The following CNTN5 variants were observed in gnomAD, a reference collection of about 807,000 sequenced individuals.
CNTN5 encodes contactin 5.
A neutral mutation model predicts 129.1 loss-of-function variants in CNTN5; 77 were observed. That is an observed-to-expected ratio of 0.60 (90% CI 0.50 to 0.72). The LOEUF (loss-of-function observed/expected upper bound fraction) is 0.72. Among genes scored for constraint, CNTN5 ranks in the 30% least tolerant of loss-of-function variants. The probability of loss-of-function intolerance (pLI) is 0.00; values close to 1 mark genes in which losing one functional copy is unlikely to be tolerated. For synonymous variants in CNTN5, 509 were observed against 465.6 expected (o/e 1.09, Z -1.20); for missense variants, 1,478 against 1,328.8 (o/e 1.11, Z -1.75).
At chr11:99,795,749 A>G (rs559161488) in intron 3 of CNTN5, among the ~76,000 whole-genome samples, 1 of 151,938 alleles carries the variant, frequency 6.6e-6, no homozygotes. Context: ...GGTAGATTTT[A>G]TGGGGTCTCA....
At chr11:99,508,586 A>C (rs1380226243) in intron 2 of CNTN5, among the ~76,000 whole-genome samples, 2 of 152,232 alleles carry the variant, frequency 1.3e-5, no homozygotes, top group Non-Finnish European at 2.9e-5. Flanking sequence ...GCAAACTGCA[A>C]TTAGCTGTAT....
rs865831633 is a variant in CNTN5, at chr11:99,193,861, C to T, written c.-209-131485C>T. On this transcript the variant is annotated intron_variant, in intron 1 of 24. Coordinates refer to ENST00000524871, the MANE Select transcript of CNTN5 (RefSeq NM_014361.4). ...CTCATCATTCAAAAATTTTTGTAAT[C>T]AGACACCTTGAGGAAAAGTCAGAAG... 5.3e-5 allele frequency among the ~76,000 whole-genome samples: 8 copies of T among 152,262 alleles called. No homozygotes were observed. The South Asian group carries it at 1.7e-3, about 32-fold the overall frequency.
intron 13 of CNTN5, among the ~76,000 whole-genome samples, chr11:100,124,867 C>G (rs1371226847): frequency 6.6e-6 from 1 of 152,086 alleles, no homozygotes; most frequent in Non-Finnish European, 1.5e-5. Context: ...AGGTTCTTCA[C>G]ATGTAAATAA....
chr11:99,510,216 G>A (rs939002987), intron 2 of CNTN5, among the ~76,000 whole-genome samples: 2 of 151,972 alleles, frequency 1.3e-5, no homozygotes, highest in African/African-American at 2.4e-5. Context: ...ATATAAATCA[G>A]AGCCAACCAT....
chr11:99,836,146 CTTTTT>C (rs1043406039), intron 4 of CNTN5, among the ~76,000 whole-genome samples: 1 of 137,942 alleles, frequency 7.2e-6, no homozygotes. Flanking sequence ...TTTAATTTTT[CTTTTT>C]TTTTAATTAT....
At chr11:99,050,780 T>C (rs1864395589) in intron 1 of CNTN5, among the ~76,000 whole-genome samples, 1 of 151,862 alleles carries the variant, frequency 6.6e-6, no homozygotes, top group Admixed American at 6.6e-5. Context: ...AAACACATAA[T>C]TGAAAAATTG....
intron 2 of CNTN5, among the ~76,000 whole-genome samples, chr11:99,506,883 C>A (rs1485663740): frequency 1.3e-5 from 2 of 151,902 alleles, no homozygotes; most frequent in Non-Finnish European, 2.9e-5. Flanking sequence ...TTAATGAGAA[C>A]AACCTGAGGG....
chr11:99,110,908 C>T (rs1857760474), intron 1 of CNTN5, among the ~76,000 whole-genome samples: 1 of 151,972 alleles, frequency 6.6e-6, no homozygotes, highest in Non-Finnish European at 1.5e-5. Context: ...ATATATAAAA[C>T]TTTGTTTTTA....
At chr11:99,276,281 G>T (rs1863424395) in intron 1 of CNTN5, among the ~76,000 whole-genome samples, 1 of 151,532 alleles carries the variant, frequency 6.6e-6, no homozygotes, top group Non-Finnish European at 1.5e-5. Flanking sequence ...AACATGCCCA[G>T]ATTTTTAAAT....
chr11:99,695,409 G>T (rs1241426776), intron 3 of CNTN5, among the ~76,000 whole-genome samples: 1 of 152,100 alleles, frequency 6.6e-6, no homozygotes, highest in African/African-American at 2.4e-5. Context: ...AGACACCAGG[G>T]TGTTGCCTGC....
intron 12 of CNTN5, among the ~76,000 whole-genome samples, chr11:100,073,345 C>G (rs976969985): frequency 4.6e-5 from 7 of 152,062 alleles, no homozygotes; most frequent in African/African-American, 1.7e-4. Flanking sequence ...CCAGGCCTGG[C>G]TAATTTCTTT....
chr11:99,573,363 G>A (rs1248524707), intron 3 of CNTN5, among the ~76,000 whole-genome samples: 1 of 152,010 alleles, frequency 6.6e-6, no homozygotes, highest in African/African-American at 2.4e-5. Context: ...GAGGTCAGCA[G>A]ATCGAGACCA....
Position 100,039,691 on chromosome 11 carries a change from C to T in CNTN5, c.981-21521C>T, listed in dbSNP as rs190545557. On this transcript the variant is annotated intron_variant, in intron 9 of 24. Coordinates refer to ENST00000524871, the MANE Select transcript of CNTN5 (RefSeq NM_014361.4). The stretch of plus-strand genomic sequence containing the variant: ...TTCTTTTTGTTCTTTTTTCTCTAAA[C>T]TTGTCTTCTTGCTTCATTTCATTCA... Among the ~76,000 whole-genome samples, 98 of 152,186 alleles carry T rather than the reference C, an allele frequency of 6.4e-4. 1 individual carries two copies. Among genetic ancestry groups the T allele is most frequent in the Middle Eastern group, 3.4e-3 (1 of 294 alleles).
At chr11:100,002,359 T>TA (rs199636213) in intron 9 of CNTN5, among the ~76,000 whole-genome samples, 6 of 152,052 alleles carry the variant, frequency 3.9e-5, no homozygotes, top group South Asian at 2.1e-4. Context: ...TATTTTAACA[T>TA]AAAAAAACTT....
At chr11:99,217,436 C>T (rs1015472187) in intron 1 of CNTN5, among the ~76,000 whole-genome samples, 2 of 152,092 alleles carry the variant, frequency 1.3e-5, no homozygotes, top group East Asian at 1.9e-4. Flanking sequence ...AGAATGAATA[C>T]GAGCAAGGGT....
At chr11:99,432,601 C>T (rs533327590) in intron 2 of CNTN5, among the ~76,000 whole-genome samples, 1 of 151,630 alleles carries the variant, frequency 6.6e-6, no homozygotes, top group African/African-American at 2.4e-5. Flanking sequence ...CATAATATCT[C>T]TCTTGGGTGA....
intron 21 of CNTN5, among the ~76,000 whole-genome samples, chr11:100,327,053 C>T (rs372517056): frequency 6.6e-6 from 1 of 152,100 alleles, no homozygotes; most frequent in Non-Finnish European, 1.5e-5. Context: ...CAAAAGGAAG[C>T]CTTTTTAACA....
At chr11:99,623,086 A>T (rs149539057) in intron 3 of CNTN5, among the ~76,000 whole-genome samples, 50 of 152,240 alleles carry the variant, frequency 3.3e-4, no homozygotes, top group African/African-American at 1.2e-3. Flanking sequence ...ATTCATTTCA[A>T]TGTAACCTCT....
chr11:99,181,522 T>C (rs1394264001), intron 1 of CNTN5, among the ~76,000 whole-genome samples: 1 of 152,148 alleles, frequency 6.6e-6, no homozygotes, highest in African/African-American at 2.4e-5. Context: ...ACTCCACACA[T>C]AGCCAGTACC....
Sources: gnomAD v4.1 joint callset for allele counts (sites outside exome capture counted in the v4.1 genomes callset) on GRCh38, gnomAD v4.1.1 for gene constraint, MANE v1.5 for transcripts, NCBI Gene and HGNC (gene_info 2026-07-23, HGNC 2026-07-21) for gene names.